DTX1: variants seen among roughly 807,000 people sequenced by gnomAD.
DTX1 encodes deltex E3 ubiquitin ligase 1, also known as E3 ubiquitin-protein ligase DTX1.
In DTX1, 26 loss-of-function variants were observed where a neutral mutation model predicts 57.8. The observed-to-expected ratio is 0.45, with a 90% CI of 0.33 to 0.62. DTX1 has a LOEUF of 0.62. DTX1 is among the 20% of genes least tolerant of loss of function. The pLI is 0.02. For synonymous variants in DTX1, 398 were observed against 394.1 expected (o/e 1.01, Z -0.12); for missense variants, 704 against 895.3 (o/e 0.79, Z 2.73).
intron 2 of DTX1, 101 bp downstream of exon 2, chr12:113,058,552 C>T: frequency 6.6e-7 from 1 of 1,510,024 alleles, no homozygotes; most frequent in Non-Finnish European, 8.8e-7. Flanking sequence ...TGCCAAATCC[C>T]TTCCCCATCT....
chr12:113,089,102 C>T (rs1458595083), intron 3 of DTX1, among the ~76,000 whole-genome samples: 2 of 152,062 alleles, frequency 1.3e-5, no homozygotes, highest in Non-Finnish European at 2.9e-5. Flanking sequence ...AGGGAGTGTG[C>T]CATGAGGATA....
At chr12:113,089,682 C>T (rs574415050) in intron 3 of DTX1, among the ~76,000 whole-genome samples, 9 of 152,288 alleles carry the variant, frequency 5.9e-5, no homozygotes, top group African/African-American at 2.2e-4. Context: ...TAGAGAGAAG[C>T]TGGAGACTAC....
In DTX1 at chr12:113,093,604, A is replaced by T. The variant is rs774794767; in HGVS notation, c.1069A>T (p.Ile357Phe). 1.9e-6 allele frequency: 3 copies of T among 1,612,602 alleles called. No individual in the cohort carries two copies. In the East Asian group the frequency reaches 6.7e-5, roughly 36 times the overall value. The change falls in exon 5 of 10, where the codon ATC becomes TTC. Residue 357 changes from isoleucine to phenylalanine, a missense_variant. This residue lies in a region of DTX1 where 299 missense variants were observed against 311.2 expected (regional missense o/e 0.96). Coordinates refer to ENST00000548759, the MANE Select transcript of DTX1 (RefSeq NM_004416.3). This position sits in a 1 kb window ranked among gnomAD's most constrained non-coding sequence, Gnocchi z 4.2. ...PVCLTRAPKP[I>F]LHPPPVSKSD... is the part of the protein sequence containing the mutation. ...GTGCCTGACGCGGGCCCCCAAGCCCATCCTGCACCCGCCGCCCGTGAGCAA... is the reference window on the plus strand; with the variant it reads ...GTGCCTGACGCGGGCCCCCAAGCCCTTCCTGCACCCGCCGCCCGTGAGCAA...
Position 113,077,352 on chromosome 12 carries a change from C to G in DTX1, c.260-72C>G. On this transcript the variant is annotated intron_variant, in intron 2 of 9. Coordinates refer to ENST00000548759, the MANE Select transcript of DTX1 (RefSeq NM_004416.3). The surrounding 1 kb of genome is among the most constrained non-coding windows in gnomAD (Gnocchi z 7.8). Reference sequence around the variant, plus strand: ...CAACCTCCCGCCCACCCTTGCCTGGCTGTGGCCCGCCCTTCCAGCCGCGCA... The same window carrying G: ...CAACCTCCCGCCCACCCTTGCCTGGGTGTGGCCCGCCCTTCCAGCCGCGCA... The G allele has an allele frequency of 7.2e-7, 1 of 1,383,212 alleles. No individual in the cohort carries two copies. Among genetic ancestry groups the G allele is most frequent in the Non-Finnish European group, 9.7e-7 (1 of 1,029,516 alleles). 85.7% of individuals were successfully genotyped at this position (1,383,212 alleles called of 1,614,324 possible). A position where few individuals can be genotyped will look rare whatever the true frequency, so the allele number is the denominator to read the frequency against.
chr12:113,094,266 A>G (rs1320442512), intron 6 of DTX1, among the ~76,000 whole-genome samples, 167 bp downstream of exon 6: 1 of 152,072 alleles, frequency 6.6e-6, no homozygotes, highest in Non-Finnish European at 1.5e-5. Flanking sequence ...ATAGACTCAC[A>G]TTTATCCATC....
At chr12:113,080,136 G>A (rs1167519320) in intron 3 of DTX1, among the ~76,000 whole-genome samples, 1 of 152,238 alleles carries the variant, frequency 6.6e-6, no homozygotes, top group Non-Finnish European at 1.5e-5. Context: ...TCCTCTCGGA[G>A]GAGAGGGTCA....
Position 113,058,115 on chromosome 12 carries a change from A to C in DTX1, c.-78A>C. On this transcript the variant is annotated 5_prime_UTR_variant, in exon 2 of 10. Coordinates refer to ENST00000548759, the MANE Select transcript of DTX1 (RefSeq NM_004416.3). Reference sequence around the variant, plus strand: ...TTGCTGTCCCCCTGGGGAGAGAGGAAGTTGCCGCCTGCTGCCAGGCCCAGG... The same window carrying C: ...TTGCTGTCCCCCTGGGGAGAGAGGACGTTGCCGCCTGCTGCCAGGCCCAGG... The C allele has an allele frequency of 6.8e-7, 1 of 1,472,266 alleles. No homozygotes were observed. Among genetic ancestry groups the C allele is most frequent in the Non-Finnish European group, 9.0e-7 (1 of 1,112,704 alleles). 91.2% of individuals were successfully genotyped at this position (1,472,266 alleles called of 1,614,324 possible). A position where few individuals can be genotyped will look rare whatever the true frequency, so the allele number is the denominator to read the frequency against.
At chr12:113,060,602 A>G in intron 2 of DTX1, among the ~76,000 whole-genome samples, 1 of 152,202 alleles carries the variant, frequency 6.6e-6, no homozygotes, top group Non-Finnish European at 1.5e-5. Flanking sequence ...AAGATGGTGC[A>G]AGATGGCAGC....
chr12:113,094,117 G>T lies in DTX1; in HGVS notation c.1227+18G>T. The T allele has an allele frequency of 6.7e-7, 1 of 1,491,950 alleles. No homozygotes were observed. The highest frequency in any genetic ancestry group is 9.2e-7 in the Non-Finnish European group (1 of 1,090,764). The allele number at this position is 1,491,950 out of a possible 1,614,324, so 92.4% of individuals were successfully genotyped here. On this transcript the variant is annotated intron_variant, in intron 6 of 9. Transcript: ENST00000548759. Reference sequence around the variant, plus strand: ...CTGATGAGGTGAGGAGGGGATGGGGGGGCTGGGGGAGGGCCCTGGCATGGA... The same window carrying T: ...CTGATGAGGTGAGGAGGGGATGGGGTGGCTGGGGGAGGGCCCTGGCATGGA...
At chr12:113,066,228 A>T (rs901868055) in intron 2 of DTX1, among the ~76,000 whole-genome samples, 3 of 152,122 alleles carry the variant, frequency 2.0e-5, no homozygotes, top group African/African-American at 7.2e-5. Context: ...GCTGCTTACT[A>T]AGAATCATGG....
At chr12:113,083,761 G>C (rs1281965949) in intron 3 of DTX1, among the ~76,000 whole-genome samples, 1 of 152,010 alleles carries the variant, frequency 6.6e-6, no homozygotes, top group East Asian at 1.9e-4. Flanking sequence ...TCTGTCTTCT[G>C]CCTTTTCCTC....
At chr12:113,090,208 T>C (rs139039787) in intron 3 of DTX1, 1 of 152,272 alleles carries the variant, frequency 6.6e-6, no homozygotes, top group African/African-American at 2.4e-5. Context: ...CTTAACCAGG[T>C]TGTCTGCACT....
At chr12:113,071,881 A>G (rs2044740546) in intron 2 of DTX1, among the ~76,000 whole-genome samples, 1 of 152,228 alleles carries the variant, frequency 6.6e-6, no homozygotes, top group Non-Finnish European at 1.5e-5. Context: ...TCTTGTTTCA[A>G]AAGGACTCCA....
rs1025533291 is a variant in DTX1 at position 113,080,224 on chromosome 12, G to T, written c.941+2119G>T. On this transcript the variant is annotated intron_variant, in intron 3 of 9. Transcript: ENST00000548759. ...TGCCAACAGAGAGCAGACTTGAGGGGGTCAAAGAAGACCCCTTGGGGAAGC... is the reference window on the plus strand; with the variant it reads ...TGCCAACAGAGAGCAGACTTGAGGGTGTCAAAGAAGACCCCTTGGGGAAGC... Among the ~76,000 whole-genome samples, 15 of 152,178 alleles carry T rather than the reference G, an allele frequency of 9.9e-5. 1 individual carries two copies. The highest frequency in any genetic ancestry group is 9.2e-4 in the Admixed American group (14 of 15,280).
chr12:113,060,724 C>T (rs879814415), intron 2 of DTX1, among the ~76,000 whole-genome samples: 1 of 152,192 alleles, frequency 6.6e-6, no homozygotes, highest in Non-Finnish European at 1.5e-5. Flanking sequence ...AGAGAGGCAC[C>T]AAGGACCTGA....
chr12:113,073,086 A>G (rs374757550), intron 2 of DTX1, among the ~76,000 whole-genome samples: 1 of 151,994 alleles, frequency 6.6e-6, no homozygotes, highest in Non-Finnish European at 1.5e-5. Context: ...CGAGCTCAGG[A>G]TTTGGCACAC....
chr12:113,094,835 A>G lies in DTX1; in HGVS notation c.1274A>G (p.Glu425Gly). Residue 425 changes from glutamate to glycine, a missense_variant, in exon 7 of 10, where the codon GAG (glutamate) becomes GGG (glycine). Transcript: ENST00000548759. Reference protein sequence around the residue: ...MERLVTASGYEGVLRHKGVRP... With the variant: ...MERLVTASGYGGVLRHKGVRP... ...CGACTGGTCACAGCATCAGGCTACGAGGGCGTGCTTCGGCACAAGGGCGTG... is the reference window on the plus strand; with the variant it reads ...CGACTGGTCACAGCATCAGGCTACGGGGGCGTGCTTCGGCACAAGGGCGTG... The G allele has an allele frequency of 6.2e-7, 1 of 1,613,808 alleles. No homozygotes were observed. Among genetic ancestry groups the G allele is most frequent in the Non-Finnish European group, 8.5e-7 (1 of 1,179,952 alleles).
intron 3 of DTX1, among the ~76,000 whole-genome samples, chr12:113,083,546 G>A (rs1266126432): frequency 6.6e-6 from 1 of 152,082 alleles, no homozygotes; most frequent in South Asian, 2.1e-4. Context: ...GGCTGGTCTC[G>A]AACTCCTGAC....
In DTX1 at chr12:113,095,362, C is replaced by A. The variant is rs1316078189; in HGVS notation, c.1586C>A (p.Ala529Glu). Residue 529 changes from alanine (A) to glutamate (E), a missense_variant, in exon 9 of 10, where the codon GCA (alanine) becomes GAA (glutamate). Coordinates refer to ENST00000548759, the MANE Select transcript of DTX1 (RefSeq NM_004416.3). ...EHPNPGKKFT[A>E]RGFPRHCYLP... ...CCCAACCCCGGGAAGAAGTTCACCG[C>A]AAGAGGATTCCCTCGCCACTGCTAT... The A allele has an allele frequency of 6.2e-7, 1 of 1,614,118 alleles. No homozygotes were observed. Among genetic ancestry groups the A allele is most frequent in the Non-Finnish European group, 8.5e-7 (1 of 1,180,048 alleles).
Sources: gnomAD v4.1 joint callset for allele counts (sites outside exome capture counted in the v4.1 genomes callset) on GRCh38, gnomAD v4.1.1 for gene constraint, gnomAD v4.1.1 regional missense constraint, Gnocchi (gnomAD v3.1) non-coding constraint, MANE v1.5 for transcripts, NCBI Gene and HGNC (gene_info 2026-07-23, HGNC 2026-07-21) for gene names.